Variants in PATJ observed in about 807,000 individuals in gnomAD.
PATJ encodes PATJ crumbs cell polarity complex component.
A neutral mutation model predicts 224.9 loss-of-function variants in PATJ; 190 were observed. The observed-to-expected ratio is 0.84, with a 90% CI of 0.75 to 0.95. The LOEUF is 0.95. PATJ is among the 40% of genes least tolerant of loss of function. The pLI is 0.00. For synonymous variants in PATJ, 769 were observed against 820.3 expected (o/e 0.94, Z 1.07); for missense variants, 2,121 against 2,270.3 (o/e 0.93, Z 1.34).
Position 61,820,761 on chromosome 1 carries a change from C to T in PATJ, c.1684-2184C>T, listed in dbSNP as rs927159563. Among the ~76,000 whole-genome samples, 13 of 152,178 alleles carry T rather than the reference C, an allele frequency of 8.5e-5. 1 individual carries two copies. The East Asian group carries it at 9.6e-4, about 11-fold the overall frequency. On this transcript the variant is annotated intron_variant, in intron 14 of 43. Transcript: ENST00000642238. The stretch of plus-strand genomic sequence containing the variant: ...CTCAAGCCAGTATAAGACCCAGCAC[C>T]GCACTGGGGATGAGCTATGGTGGAT...
Position 62,139,913 on chromosome 1 carries a change from C to T in PATJ, c.5272-8371C>T, listed in dbSNP as rs112043407. Among the ~76,000 whole-genome samples the T allele has an allele frequency of 5.4e-3, 816 of 152,114 alleles. 5 individuals are homozygous for T. Among genetic ancestry groups the T allele is most frequent in the Non-Finnish European group, 9.7e-3 (659 of 68,000 alleles). On this transcript the variant is annotated intron_variant, in intron 41 of 43. Transcript: ENST00000642238. ...TAGCTGGGGCTACAGTCATGAACCACCACGCCCAGCTAATTTTTGTATTTT... is the reference window on the plus strand; with the variant it reads ...TAGCTGGGGCTACAGTCATGAACCATCACGCCCAGCTAATTTTTGTATTTT...
chr1:62,117,626 A>T (rs1664591382), intron 37 of PATJ, among the ~76,000 whole-genome samples: 1 of 152,178 alleles, frequency 6.6e-6, no homozygotes, highest in African/African-American at 2.4e-5. Context: ...ACACATGCCG[A>T]GGGCAATTAA....
chr1:62,038,961 TG>T, intron 30 of PATJ: 1 of 1,364,106 alleles, frequency 7.3e-7, no homozygotes, highest in Non-Finnish European at 1.0e-6. Context: ...ATGAGCATGC[TG>T]GAGTGATATC....
chr1:61,953,262 C>T (rs1679980777), intron 27 of PATJ, among the ~76,000 whole-genome samples: 1 of 152,168 alleles, frequency 6.6e-6, no homozygotes, highest in Admixed American at 6.5e-5. Context: ...GTATTATTGC[C>T]TAAGGGAGGC....
intron 14 of PATJ, among the ~76,000 whole-genome samples, chr1:61,812,682 C>T (rs1171263778): frequency 6.6e-6 from 1 of 151,834 alleles, no homozygotes; most frequent in Non-Finnish European, 1.5e-5. Context: ...AACCTCGTCT[C>T]TCCTAAAAAT....
At chr1:61,749,567 G>A (rs1460901587) in intron 1 of PATJ, among the ~76,000 whole-genome samples, 2 of 152,168 alleles carry the variant, frequency 1.3e-5, no homozygotes, top group Non-Finnish European at 2.9e-5. Context: ...CTCGTCAACA[G>A]GAGATTGGGT....
At chr1:61,853,397 G>C (rs950382563) in intron 17 of PATJ, among the ~76,000 whole-genome samples, 4 of 152,110 alleles carry the variant, frequency 2.6e-5, no homozygotes, top group Non-Finnish European at 5.9e-5. Context: ...CAAACAACTT[G>C]GTGCAACCAT....
At chr1:62,113,424 C>T (rs1318717378) in intron 34 of PATJ, among the ~76,000 whole-genome samples, 1 of 152,086 alleles carries the variant, frequency 6.6e-6, no homozygotes, top group African/African-American at 2.4e-5. Context: ...ATCACCTGAG[C>T]CCAGGAGTTT....
chr1:62,014,387 C>A lies in PATJ; in HGVS notation c.3868-3469C>A, dbSNP rs141063662. Among the ~76,000 whole-genome samples, 459 of 151,972 alleles carry A rather than the reference C, an allele frequency of 3.0e-3. 1 individual carries two copies. The highest frequency in any genetic ancestry group is 0.011 in the African/African-American group (438 of 41,454). ...GATTTTCAAATATGATTTAAAGTAC[C>A]TTGTTTGTAGTTAATTATAAATTAA... is the stretch of plus-strand genomic sequence containing the variant. On this transcript the variant is annotated intron_variant, in intron 28 of 43. Coordinates refer to ENST00000642238, the MANE Select transcript of PATJ (RefSeq NM_001350145.3).
intron 7 of PATJ, among the ~76,000 whole-genome samples, chr1:61,786,381 G>GT (rs1414577639): frequency 6.6e-6 from 1 of 151,182 alleles, no homozygotes; most frequent in Non-Finnish European, 1.5e-5. Context: ...TGTTGTTGTT[G>GT]TTGTTTGTTT....
rs1192476594 is a variant in PATJ, at chr1:61,797,381, G to A, written c.1355G>A (p.Arg452Lys). Reference protein sequence around the residue: ...GQVVHLTLVRRKTSSSTSPLE... With the variant: ...GQVVHLTLVRKKTSSSTSPLE... ...GTGGTACACCTAACCCTAGTTCGAA[G>A]GAAGACATCCTCATCTACTTCTCCA... The change falls in exon 11 of 44, where the codon AGG (arginine) becomes AAG (lysine). Residue 452 changes from arginine to lysine, a missense_variant. By Grantham distance (26) the Arg-to-Lys change is conservative (BLOSUM62 2). Transcript: ENST00000642238. 6.2e-7 allele frequency: 1 copy of A among 1,613,940 alleles called. No individual in the cohort carries two copies. The highest frequency in any genetic ancestry group is 1.1e-5 in the South Asian group (1 of 91,074).
At chr1:61,854,028 A>G (rs1431667760) in intron 17 of PATJ, among the ~76,000 whole-genome samples, 1 of 152,198 alleles carries the variant, frequency 6.6e-6, no homozygotes, top group Non-Finnish European at 1.5e-5. Flanking sequence ...TGATTTAAAT[A>G]TGGTATATTT....
chr1:62,013,277 A>G (rs1350778516), intron 28 of PATJ: 1 of 866,102 alleles, frequency 1.2e-6, no homozygotes, highest in East Asian at 1.2e-4. Flanking sequence ...CATAAACATG[A>G]AACAGTTAGA....
intron 28 of PATJ, among the ~76,000 whole-genome samples, chr1:62,004,614 G>T (rs1297324495): frequency 6.6e-6 from 1 of 152,048 alleles, no homozygotes; most frequent in African/African-American, 2.4e-5. Flanking sequence ...AACTCACTGT[G>T]CCTCAATTTC....
intron 14 of PATJ, among the ~76,000 whole-genome samples, chr1:61,812,468 G>GTGTGTGTGTGTGTGTGTGTGTGT (rs1213546488): frequency 6.8e-6 from 1 of 147,614 alleles, no homozygotes. Context: ...GTGTGTGTGT[G>GTGTGTGTGTGTGTGTGTGTGTGT]GTGGTATTGG....
At chr1:61,916,848 GA>G (rs1382925953) in intron 26 of PATJ, among the ~76,000 whole-genome samples, 1 of 152,172 alleles carries the variant, frequency 6.6e-6, no homozygotes, top group South Asian at 2.1e-4. Flanking sequence ...GGTTGGTGAT[GA>G]AATCATAGGG....
At chr1:62,098,876 TA>T (rs1237878475) in intron 33 of PATJ, among the ~76,000 whole-genome samples, 6 of 152,312 alleles carry the variant, frequency 3.9e-5, no homozygotes, top group Admixed American at 2.6e-4. Context: ...AAATTTTTTT[TA>T]TTTTTTTTAA....
intron 41 of PATJ, among the ~76,000 whole-genome samples, chr1:62,134,571 C>G (rs966572736): frequency 5.3e-5 from 8 of 151,938 alleles, no homozygotes; most frequent in Admixed American, 4.6e-4. Context: ...TCTCAAACTC[C>G]TGACCTTAGG....
At chr1:62,002,077 T>G (rs889306589) in intron 28 of PATJ, among the ~76,000 whole-genome samples, 1 of 152,056 alleles carries the variant, frequency 6.6e-6, no homozygotes, top group Non-Finnish European at 1.5e-5. Flanking sequence ...TTAGGCTGAG[T>G]ATTACAGAGG....
Sources: gnomAD v4.1 joint callset for allele counts (sites outside exome capture counted in the v4.1 genomes callset) on GRCh38, gnomAD v4.1.1 for gene constraint, MANE v1.5 for transcripts, NCBI Gene and HGNC (gene_info 2026-07-23, HGNC 2026-07-21) for gene names.